Variants in XKR4 observed in about 807,000 individuals in gnomAD.
XKR4 encodes the protein XK-related protein 4.
XKR4 carries 12 observed loss-of-function variants against 53.9 expected under a neutral mutation model. The ratio of observed to expected loss-of-function variants is 0.22; its 90% CI spans 0.14 to 0.36. The LOEUF (loss-of-function observed/expected upper bound fraction) is 0.36. Ranked by LOEUF, XKR4 falls within the 10% of genes least tolerant of loss-of-function variation. XKR4 has a pLI of 1.00. For missense variants in XKR4, 799 were observed against 859.5 expected, an observed-to-expected ratio of 0.93 and a Z score of 0.88; for synonymous variants, 354 against 362.4, an observed-to-expected ratio of 0.98 and a Z score of 0.26.
chr8:55,502,956 C>A (rs1384072878), intron 2 of XKR4, among the ~76,000 whole-genome samples: 1 of 152,108 alleles, frequency 6.6e-6, no homozygotes, highest in Non-Finnish European at 1.5e-5. Context: ...GTTGAAAAGA[C>A]TTTCCTTTCC....
intron 1 of XKR4, among the ~76,000 whole-genome samples, chr8:55,305,137 G>A (rs566553127): frequency 1.3e-5 from 2 of 152,262 alleles, no homozygotes; most frequent in Non-Finnish European, 2.9e-5. Flanking sequence ...AGCAGCCACT[G>A]GCCTTACATA....
intron 2 of XKR4, among the ~76,000 whole-genome samples, chr8:55,483,691 G>A (rs1262878307): frequency 6.6e-6 from 1 of 151,940 alleles, no homozygotes; most frequent in Non-Finnish European, 1.5e-5. Flanking sequence ...AAATGTATGG[G>A]ACACAGGTAT....
chr8:55,462,596 A>C (rs1805679815), intron 2 of XKR4, among the ~76,000 whole-genome samples: 1 of 152,202 alleles, frequency 6.6e-6, no homozygotes, highest in South Asian at 2.1e-4. Context: ...CTAACATCAT[A>C]ATGACGGGAT....
rs1489024653 is a variant in XKR4 at position 55,365,691 on chromosome 8, G to A, written c.1006+7814G>A. Among the ~76,000 whole-genome samples the A allele has an allele frequency of 3.1e-5, 4 of 129,358 alleles. No homozygotes were observed. In the Admixed American group the frequency reaches 3.4e-4, roughly 11 times the overall value. The allele number at this position is 129,358 out of a possible 152,430, so 84.9% of individuals were successfully genotyped here. Reference sequence around the variant, plus strand: ...CATTGCACTCCAGCCTGGGCAACAAGAGTGAAACTTCGTCTCAAAAAAAAA... The same window carrying A: ...CATTGCACTCCAGCCTGGGCAACAAAAGTGAAACTTCGTCTCAAAAAAAAA... On this transcript the variant is annotated intron_variant, in intron 2 of 2. Coordinates refer to ENST00000327381, the MANE Select transcript of XKR4 (RefSeq NM_052898.2).
chr8:55,164,382 T>C lies in XKR4; in HGVS notation c.806+61088T>C, dbSNP rs757641644. 15 of 456,274 alleles carry C rather than the reference T, an allele frequency of 3.3e-5. 1 individual carries two copies. The highest frequency in any genetic ancestry group is 2.3e-4 in the South Asian group (15 of 64,572). 28.3% of individuals were successfully genotyped at this position (456,274 alleles called of 1,614,324 possible). A position where few individuals can be genotyped will look rare whatever the true frequency, so the allele number is the denominator to read the frequency against. ...CCTATAAGTTCAGAGGTTCAGCCTTTAACAAACTCACATTCCTGTTTGACT... is the reference window on the plus strand; with the variant it reads ...CCTATAAGTTCAGAGGTTCAGCCTTCAACAAACTCACATTCCTGTTTGACT... On this transcript the variant is annotated intron_variant, in intron 1 of 2. Coordinates refer to ENST00000327381, the MANE Select transcript of XKR4 (RefSeq NM_052898.2).
intron 1 of XKR4, among the ~76,000 whole-genome samples, chr8:55,184,436 TG>T (rs1171575835): frequency 1.5e-4 from 23 of 152,242 alleles, no homozygotes; most frequent in African/African-American, 5.5e-4. Flanking sequence ...TTGTGCTTTT[TG>T]CCCTTTTGCT....
chr8:55,317,615 A>C (rs1803111117), intron 1 of XKR4, among the ~76,000 whole-genome samples: 1 of 152,206 alleles, frequency 6.6e-6, no homozygotes, highest in South Asian at 2.1e-4. Flanking sequence ...CCAGCCTTCC[A>C]GCCAGTTGTC....
intron 2 of XKR4, among the ~76,000 whole-genome samples, chr8:55,399,352 A>G (rs1804566447): frequency 6.6e-6 from 1 of 152,188 alleles, no homozygotes; most frequent in Non-Finnish European, 1.5e-5. Context: ...TACTACCAAC[A>G]CTTACAGTCA....
intron 1 of XKR4, among the ~76,000 whole-genome samples, chr8:55,242,316 A>C (rs1314676261): frequency 2.6e-5 from 4 of 152,144 alleles, no homozygotes; most frequent in Non-Finnish European, 5.9e-5. Flanking sequence ...TAAGGTTATG[A>C]GTACAAAGGG....
At chr8:55,399,254 C>T (rs747276893) in intron 2 of XKR4, among the ~76,000 whole-genome samples, 10 of 152,148 alleles carry the variant, frequency 6.6e-5, no homozygotes, top group Admixed American at 2.6e-4. Context: ...GCATTTTCTG[C>T]GCTCATTATG....
At chr8:55,175,957 G>A (rs1467075042) in intron 1 of XKR4, among the ~76,000 whole-genome samples, 3 of 152,308 alleles carry the variant, frequency 2.0e-5, no homozygotes, top group African/African-American at 7.2e-5. Context: ...ATAATGGTCA[G>A]TTTGCACTCT....
chr8:55,325,966 A>G (rs544188223), intron 1 of XKR4, among the ~76,000 whole-genome samples: 8 of 152,280 alleles, frequency 5.3e-5, no homozygotes, highest in Non-Finnish European at 8.8e-5. Context: ...AATCAGTAGC[A>G]TAAATGTGCC....
At chr8:55,428,874 C>A (rs558040524) in intron 2 of XKR4, among the ~76,000 whole-genome samples, 1 of 152,288 alleles carries the variant, frequency 6.6e-6, no homozygotes, top group South Asian at 2.1e-4. Flanking sequence ...GGGTTTAATG[C>A]AATTCCTATC....
chr8:55,338,986 G>A (rs904435642), intron 1 of XKR4, among the ~76,000 whole-genome samples: 12 of 152,146 alleles, frequency 7.9e-5, no homozygotes. Context: ...CTCACAGCAG[G>A]ATTCCTTCTA....
chr8:55,291,727 C>T (rs907393710), intron 1 of XKR4, among the ~76,000 whole-genome samples: 7 of 152,020 alleles, frequency 4.6e-5, no homozygotes, highest in Non-Finnish European at 1.0e-4. Flanking sequence ...GCTGAATTGG[C>T]TTACTAGTTC....
intron 2 of XKR4, among the ~76,000 whole-genome samples, chr8:55,399,439 A>G (rs1804568035): frequency 6.6e-6 from 1 of 152,236 alleles, no homozygotes; most frequent in South Asian, 2.1e-4. Flanking sequence ...CAGCGGTTAC[A>G]ATAACTGTGT....
chr8:55,244,491 A>G (rs1818255868), intron 1 of XKR4, among the ~76,000 whole-genome samples: 1 of 152,056 alleles, frequency 6.6e-6, no homozygotes, highest in Non-Finnish European at 1.5e-5. Context: ...GGTTAATTCT[A>G]TGTTTTTGCT....
intron 2 of XKR4, among the ~76,000 whole-genome samples, chr8:55,437,962 AAAAAG>A (rs1336680887): frequency 1.0e-3 from 124 of 119,718 alleles, no homozygotes; most frequent in African/African-American, 4.8e-3. Context: ...AACAAAAAAA[AAAAAG>A]AAGAAGAAGA....
intron 1 of XKR4, among the ~76,000 whole-genome samples, chr8:55,347,476 A>T (rs991508940): frequency 1.3e-5 from 2 of 152,210 alleles, no homozygotes; most frequent in African/African-American, 4.8e-5. Flanking sequence ...TTGGATTGAG[A>T]TTATGTGGAT....
Sources: gnomAD v4.1 joint callset for allele counts (sites outside exome capture counted in the v4.1 genomes callset) on GRCh38, gnomAD v4.1.1 for gene constraint, MANE v1.5 for transcripts, NCBI Gene and HGNC (gene_info 2026-07-23, HGNC 2026-07-21) for gene names.